The following ECE2 variants were observed in gnomAD, a reference collection of about 807,000 sequenced individuals.
ECE2 encodes endothelin converting enzyme 2, also known as endothelin-converting enzyme 2.
A neutral mutation model predicts 100.6 loss-of-function variants in ECE2; 81 were observed. The observed-to-expected ratio is 0.81, with a 90% CI of 0.67 to 0.97. The LOEUF is 0.97. Ranked by LOEUF, ECE2 falls within the 50% of genes least tolerant of loss-of-function variation. The pLI is 0.00. For missense variants in ECE2, 911 were observed against 988.1 expected (o/e 0.92, Z 1.05); for synonymous variants, 391 against 391.5 (o/e 1.00, Z 0.02).
chr3:184,283,694 A>G, intron 7 of ECE2, 91 bp from the exon 8 acceptor site: 1 of 1,340,266 alleles, frequency 7.5e-7, no homozygotes, highest in Non-Finnish European at 1.0e-6. Flanking sequence ...ATCAAGCAGA[A>G]GAGATATTGG....
rs746465802 is a variant in ECE2 at position 184,283,888 on chromosome 3, T to C, written c.920T>C (p.Ile307Thr). ...ATGCAGCAGGTGCTGGAGTTGGAGA[T>C]ACAGCTGGCCAACATCACAGTGCCC... Reference protein sequence around the residue: ...EQMQQVLELEIQLANITVPQD... With the variant: ...EQMQQVLELETQLANITVPQD... The change falls in exon 8 of 19, where the codon ATA (isoleucine) becomes ACA (threonine). Residue 307 changes from isoleucine (I) to threonine (T), a missense_variant. Ile to Thr is a moderately conservative substitution (Grantham distance 89, BLOSUM62 -1). Coordinates refer to ENST00000404464, the MANE Select transcript of ECE2 (RefSeq NM_001100121.2). The C allele has an allele frequency of 3.7e-6, 6 of 1,613,764 alleles. No homozygotes were observed. Among genetic ancestry groups the C allele is most frequent in the Non-Finnish European group, 5.1e-6 (6 of 1,180,016 alleles).
chr3:184,276,329 AGAGACCCCGGGCCC>A, intron 1 of ECE2, 137 bp downstream of exon 1: 1 of 1,383,884 alleles, frequency 7.2e-7, no homozygotes, highest in Admixed American at 2.3e-5. Flanking sequence ...GGGGTGATAG[AGAGACCCCGGGCCC>A]GAGAGCAGGG....
rs751017444 is a variant in ECE2 at position 184,278,036 on chromosome 3, ACCTCATTGAGAAGGTAGGGCCACTGAGC to A, written c.592_603+16del. The A allele has an allele frequency of 6.2e-7, 1 of 1,613,828 alleles. No individual in the cohort carries two copies. Among genetic ancestry groups the A allele is most frequent in the African/African-American group, 1.3e-5 (1 of 74,888 alleles). ...GAGCTGGGAGCCCAGCCACTGAGAGACCTCATTGAGAAGGTAGGGCCACTGAGCCGGTTGAGGGCAGGGGAGCAGGAGA... is the reference window on the plus strand; with the variant it reads ...GAGCTGGGAGCCCAGCCACTGAGAGACGGTTGAGGGCAGGGGAGCAGGAGA... On this transcript the variant is annotated splice_donor_variant and splice_donor_5th_base_variant and coding_sequence_variant and intron_variant, in exon 5 of 19. Coordinates refer to ENST00000404464, the MANE Select transcript of ECE2 (RefSeq NM_001100121.2). LOFTEE classifies it high-confidence loss of function.
intron 7 of ECE2, 124 bp downstream of exon 7, chr3:184,278,681 A>G: frequency 1.1e-6 from 1 of 900,892 alleles, no homozygotes; most frequent in South Asian, 1.6e-5. Context: ...CTAGTGAACA[A>G]ACTGCCCCTC....
At chr3:184,279,944 A>T (rs564018832) in intron 7 of ECE2, among the ~76,000 whole-genome samples, 1 of 151,922 alleles carries the variant, frequency 6.6e-6, no homozygotes, top group African/African-American at 2.4e-5. Flanking sequence ...ATGAATTAAG[A>T]GCATCTGCGG....
Position 184,290,793 on chromosome 3 carries a change from G to T in ECE2, c.1767G>T (p.Lys589Asn). ...TCACTTGCTATTCCTCACCCACCAG[G>T]GCCCTGAACTTCGGTGGCATCGGTG... ...QAPFYARNHP[K>N]ALNFGGIGVV... The change falls in exon 16 of 19, where the codon AAG becomes AAT. Residue 589 changes from lysine to asparagine, a missense_variant and splice_region_variant. Physicochemically the swap from Lys to Asn is moderately conservative, Grantham distance 94. Coordinates refer to ENST00000404464, the MANE Select transcript of ECE2 (RefSeq NM_001100121.2). 6.2e-7 allele frequency: 1 copy of T among 1,614,136 alleles called. No individual in the cohort carries two copies. The highest frequency in any genetic ancestry group is 8.5e-7 in the Non-Finnish European group (1 of 1,180,032).
rs1721197896 is a variant in ECE2, at chr3:184,289,277, G to C, written c.1375-160G>C. Among the ~76,000 whole-genome samples the C allele has an allele frequency of 6.6e-6, 1 of 152,092 alleles. No homozygotes were observed. Among genetic ancestry groups the C allele is most frequent in the Admixed American group, 6.6e-5 (1 of 15,256 alleles). On this transcript the variant is annotated intron_variant, in intron 11 of 18. Transcript: ENST00000404464. The surrounding 1 kb of genome is among the most constrained non-coding windows in gnomAD (Gnocchi z 4.1). The stretch of plus-strand genomic sequence containing the variant: ...CCACAATCCCAGTACCTTTACAAAT[G>C]GTGTTTCCTTCTCATCGTCTCCAGG...
At chr3:184,280,009 G>A (rs1232905902) in intron 7 of ECE2, among the ~76,000 whole-genome samples, 1 of 152,174 alleles carries the variant, frequency 6.6e-6, no homozygotes, top group Admixed American at 6.5e-5. Context: ...AGAAGGAATG[G>A]TAGGAAGGGG....
intron 2 of ECE2, 104 bp from the exon 3 acceptor site, chr3:184,276,788 G>C: frequency 6.4e-7 from 1 of 1,574,014 alleles, no homozygotes. Flanking sequence ...CCCGGGCCCA[G>C]AGTTAACCCT....
rs566876888 is a variant in ECE2, at chr3:184,292,356, C to T, written c.*118C>T. The stretch of plus-strand genomic sequence containing the variant: ...GCAAGCTGGGCTGGGTCTAGTCCCT[C>T]CCCCCCACAGGTGACATGAGTACAG... On this transcript the variant is annotated 3_prime_UTR_variant, in exon 19 of 19. Transcript: ENST00000404464. 3.2e-4 allele frequency: 385 copies of T among 1,186,448 alleles called. 3 individuals are homozygous for T. In the African/African-American group the frequency reaches 5.3e-3, roughly 16 times the overall value. 73.5% of individuals were successfully genotyped at this position (1,186,448 alleles called of 1,614,324 possible).
At chr3:184,283,645 C>T in intron 7 of ECE2, 140 bp from the exon 8 acceptor site, 1 of 651,344 alleles carries the variant, frequency 1.5e-6, no homozygotes, top group Non-Finnish European at 2.5e-6. Flanking sequence ...AGCAGTGTGT[C>T]AGAAATGAAA....
At chr3:184,281,786 A>G (rs1417783674) in intron 7 of ECE2, among the ~76,000 whole-genome samples, 1 of 152,212 alleles carries the variant, frequency 6.6e-6, no homozygotes, top group Admixed American at 6.5e-5. Context: ...ATGCAACACA[A>G]AAGGTTAAGA....
rs1560180625 is a variant in ECE2 at position 184,277,238 on chromosome 3, T to G, written c.263-13T>G. 3 of 1,614,042 alleles carry G rather than the reference T, an allele frequency of 1.9e-6. No homozygotes were observed. The highest frequency in any genetic ancestry group is 1.7e-5 in the Admixed American group (1 of 59,988). On this transcript the variant is annotated splice_polypyrimidine_tract_variant and intron_variant, in intron 3 of 18. Coordinates refer to ENST00000404464, the MANE Select transcript of ECE2 (RefSeq NM_001100121.2). ...GACAGTCTCCTACCCTCCGGCCATG[T>G]TCCCTACCACAGACCCATCCCACAG... is the stretch of plus-strand genomic sequence containing the variant.
rs529395862 is a variant in ECE2 at position 184,279,812 on chromosome 3, G to A, written c.816+1255G>A. Among the ~76,000 whole-genome samples, 16 of 152,254 alleles carry A rather than the reference G, an allele frequency of 1.1e-4. No homozygotes were observed. The South Asian group carries it at 2.7e-3, about 26-fold the overall frequency. On this transcript the variant is annotated intron_variant, in intron 7 of 18. Coordinates refer to ENST00000404464, the MANE Select transcript of ECE2 (RefSeq NM_001100121.2). Reference sequence around the variant, plus strand: ...GAGGGGACCTTGAATAGCACACTACGGAGTTTATTCTGTAGCTCCCGGAGA... The same window carrying A: ...GAGGGGACCTTGAATAGCACACTACAGAGTTTATTCTGTAGCTCCCGGAGA...
intron 7 of ECE2, among the ~76,000 whole-genome samples, chr3:184,283,584 A>G (rs1419680392): frequency 2.0e-5 from 3 of 147,574 alleles, no homozygotes; most frequent in Non-Finnish European, 4.5e-5. Flanking sequence ...AAAAAAAAAA[A>G]AAAAAAAGAA....
Position 184,278,489 on chromosome 3 carries a change from C to T in ECE2, c.751-3C>T, listed in dbSNP as rs1338682666. On this transcript the variant is annotated splice_polypyrimidine_tract_variant and splice_region_variant and intron_variant, in intron 6 of 18. Coordinates refer to ENST00000404464, the MANE Select transcript of ECE2 (RefSeq NM_001100121.2). ...GGCTCACCTCCTTTCCTTGACATTG[C>T]AGGTGGACCAGTCTGGGCTCTTTCT... 4 of 1,613,554 alleles carry T rather than the reference C, an allele frequency of 2.5e-6. No individual in the cohort carries two copies. The highest frequency in any genetic ancestry group is 1.7e-4 in the Middle Eastern group (1 of 6,052).
Position 184,290,243 on chromosome 3 carries a change from C to T in ECE2, c.1552-12C>T, listed in dbSNP as rs749646557. 1 of 1,606,980 alleles carries T rather than the reference C, an allele frequency of 6.2e-7. No individual in the cohort carries two copies. The highest frequency in any genetic ancestry group is 1.7e-5 in the Admixed American group (1 of 59,590). On this transcript the variant is annotated splice_polypyrimidine_tract_variant and intron_variant, in intron 13 of 18. Transcript: ENST00000404464. ...TCTCTTGCTCTCTTTCTACTTCCCA[C>T]CTTTCCCACAGTACGAAATTTCTGA...
At position 184,290,663 on chromosome 3, in the gene ECE2, C is replaced by G. The variant is rs372508811; in HGVS notation, c.1762C>G (p.Pro588Ala). ...LQAPFYARNH[P>A]KALNFGGIGV... ...GGCCCCCTTCTATGCCCGCAACCAC[C>G]CCAAGTGTGTCTGAAGCAGGAGGGG... The change falls in exon 15 of 19, where the codon CCC becomes GCC. Residue 588 changes from proline to alanine, a missense_variant. By Grantham distance (27) the Pro-to-Ala change is conservative (BLOSUM62 -1). Transcript: ENST00000404464. 1.2e-6 allele frequency: 2 copies of G among 1,614,004 alleles called. No homozygotes were observed. Among genetic ancestry groups the G allele is most frequent in the Non-Finnish European group, 1.7e-6 (2 of 1,179,948 alleles).
chr3:184,287,882 G>C lies in ECE2; in HGVS notation c.1309G>C (p.Ala437Pro). 1 of 1,614,150 alleles carries C rather than the reference G, an allele frequency of 6.2e-7. No individual in the cohort carries two copies. Among genetic ancestry groups the C allele is most frequent in the East Asian group, 2.2e-5 (1 of 44,886 alleles). ...WQTCISNTDD[A>P]LGFALGSLFV... ...GACCTGCATCTCCAACACGGATGAC[G>C]CCCTTGGCTTTGCTTTGGGGTCCCT... Residue 437 changes from alanine to proline, a missense_variant, in exon 11 of 19, where the codon GCC (alanine) becomes CCC (proline). Ala to Pro is a conservative substitution (Grantham distance 27). Coordinates refer to ENST00000404464, the MANE Select transcript of ECE2 (RefSeq NM_001100121.2).
Sources: gnomAD v4.1 joint callset for allele counts (sites outside exome capture counted in the v4.1 genomes callset) on GRCh38, gnomAD v4.1.1 for gene constraint, Gnocchi (gnomAD v3.1) non-coding constraint, MANE v1.5 for transcripts, NCBI Gene and HGNC (gene_info 2026-07-23, HGNC 2026-07-21) for gene names.